The following TNN variants were observed in gnomAD, a reference collection of about 807,000 sequenced individuals.
TNN encodes tenascin-N.
Under a neutral mutation model 134.4 loss-of-function variants are expected in TNN, and 122 were observed. That is an observed-to-expected ratio of 0.91 (90% confidence interval 0.78 to 1.06). The LOEUF is 1.06. Ranked by LOEUF, TNN falls within the 50% of genes least tolerant of loss-of-function variation. The pLI is 0.00. For synonymous variants in TNN, 710 were observed against 670.3 expected, an observed-to-expected ratio of 1.06 and a Z score of -0.91; for missense variants, 1,739 against 1,699.4, an observed-to-expected ratio of 1.02 and a Z score of -0.41.
intron 7 of TNN, among the ~76,000 whole-genome samples, chr1:175,096,991 C>T (rs1674586338): frequency 6.6e-6 from 1 of 152,176 alleles, no homozygotes; most frequent in Non-Finnish European, 1.5e-5. Context: ...GAACTGATGG[C>T]TACTACTTCT....
intron 12 of TNN, among the ~76,000 whole-genome samples, chr1:175,125,615 C>G (rs1675488475): frequency 1.4e-5 from 2 of 147,886 alleles, no homozygotes; most frequent in African/African-American, 5.0e-5. Flanking sequence ...TTCTTTCTCT[C>G]TCTCTCTCCC....
chr1:175,107,530 C>T (rs1478205910), intron 9 of TNN, among the ~76,000 whole-genome samples: 1 of 146,994 alleles, frequency 6.8e-6, no homozygotes, highest in Non-Finnish European at 1.5e-5. Context: ...TGCAGATCTT[C>T]GCGGTGAGTG....
In TNN at chr1:175,147,065, G is replaced by C. The variant is rs148925675; in HGVS notation, c.3894G>C (p.Thr1298=). Reference sequence around the variant, plus strand: ...GGACGCTGAGAGGAAGGCTGCGAACGTTCTGATGGCCCGTGTGAGCAGTCC... The same window carrying C: ...GGACGCTGAGAGGAAGGCTGCGAACCTTCTGATGGCCCGTGTGAGCAGTCC... ...KKRTLRGRLR[T]F Residue 1298 remains threonine, a synonymous_variant, in exon 19 of 19, where the codon ACG becomes ACC. Coordinates refer to ENST00000239462, the MANE Select transcript of TNN (RefSeq NM_022093.2). The C allele has an allele frequency of 6.3e-7, 1 of 1,577,878 alleles. No individual in the cohort carries two copies. The highest frequency in any genetic ancestry group is 8.6e-7 in the Non-Finnish European group (1 of 1,161,522).
rs1163147664 is a variant in TNN, at chr1:175,118,703, G to A, written c.2529G>A (p.Val843=). The A allele has an allele frequency of 6.2e-7, 1 of 1,614,254 alleles. No homozygotes were observed. Among genetic ancestry groups the A allele is most frequent in the South Asian group, 1.1e-5 (1 of 91,088 alleles). Residue 843 remains valine, a synonymous_variant, in exon 11 of 19, where the codon GTG becomes GTA. Coordinates refer to ENST00000239462, the MANE Select transcript of TNN (RefSeq NM_022093.2). ...ACGGAGAGACCAGGGAGGTTCCAGT[G>A]GGGAAGGAGCAGAGCAGCACTGTCC... ...SANGETREVP[V]GKEQSSTVLT... is the part of the protein sequence containing the mutation.
intron 9 of TNN, among the ~76,000 whole-genome samples, chr1:175,109,357 G>A (rs965570947): frequency 4.6e-5 from 7 of 151,276 alleles, no homozygotes; most frequent in African/African-American, 1.7e-4. Flanking sequence ...CAAAGTGCTG[G>A]GATTACAGGC....
intron 9 of TNN, among the ~76,000 whole-genome samples, chr1:175,101,973 T>C (rs935910402): frequency 3.2e-5 from 4 of 125,004 alleles, no homozygotes; most frequent in Non-Finnish European, 5.1e-5. Flanking sequence ...CACGTCCTCA[T>C]CAGAGCAGCT....
At chr1:175,144,621 A>G in intron 18 of TNN, 71 bp downstream of exon 18, 2 of 1,500,216 alleles carry the variant, frequency 1.3e-6, no homozygotes, top group Middle Eastern at 1.9e-4. Flanking sequence ...GACACCCTCC[A>G]GGCCAGTCTG....
intron 1 of TNN, among the ~76,000 whole-genome samples, chr1:175,071,431 T>C (rs1673911587): frequency 6.6e-6 from 1 of 152,132 alleles, no homozygotes; most frequent in African/African-American, 2.4e-5. Flanking sequence ...TCTGTGCACT[T>C]TGGTGTTTCC....
intron 1 of TNN, among the ~76,000 whole-genome samples, chr1:175,074,200 C>T (rs997989987): frequency 6.6e-6 from 1 of 152,028 alleles, no homozygotes; most frequent in Non-Finnish European, 1.5e-5. Flanking sequence ...TGTGTGGGCA[C>T]GGCCAGGTGT....
intron 6 of TNN, among the ~76,000 whole-genome samples, chr1:175,090,152 G>A (rs1020896872): frequency 1.3e-5 from 2 of 152,140 alleles, no homozygotes; most frequent in African/African-American, 4.8e-5. Flanking sequence ...GAACACTGAG[G>A]CCTACAAAGT....
intron 4 of TNN, among the ~76,000 whole-genome samples, 197 bp from the exon 5 acceptor site, chr1:175,083,553 A>G (rs1170494782): frequency 6.6e-6 from 1 of 152,194 alleles, no homozygotes; most frequent in Non-Finnish European, 1.5e-5. Context: ...CAGTCTGCCC[A>G]TGGAATATGT....
At chr1:175,108,776 C>T (rs998720913) in intron 9 of TNN, among the ~76,000 whole-genome samples, 1 of 150,454 alleles carries the variant, frequency 6.6e-6, no homozygotes, top group African/African-American at 2.5e-5. Context: ...AAGCCCATGC[C>T]CACCTAGAAC....
chr1:175,141,141 G>A (rs1046578643), intron 17 of TNN, among the ~76,000 whole-genome samples: 2 of 152,208 alleles, frequency 1.3e-5, no homozygotes, highest in East Asian at 3.8e-4. Flanking sequence ...TTCCCTTCAT[G>A]AAGCAAATTC....
chr1:175,119,254 A>G (rs1458705329), intron 11 of TNN, among the ~76,000 whole-genome samples: 2 of 152,226 alleles, frequency 1.3e-5, no homozygotes, highest in Non-Finnish European at 2.9e-5. Context: ...GAGGTGGATT[A>G]TTCATACCTC....
At chr1:175,074,992 G>A (rs1475250933) in intron 1 of TNN, among the ~76,000 whole-genome samples, 1 of 152,202 alleles carries the variant, frequency 6.6e-6, no homozygotes, top group Non-Finnish European at 1.5e-5. Flanking sequence ...CCTTTTGAGT[G>A]AGGAGAGGAA....
chr1:175,144,795 G>T, intron 18 of TNN, among the ~76,000 whole-genome samples: 1 of 152,240 alleles, frequency 6.6e-6, no homozygotes, highest in East Asian at 1.9e-4. Context: ...AAAAGCTTGG[G>T]CTGCCCACTG....
chr1:175,102,583 C>T (rs528988759), intron 9 of TNN, among the ~76,000 whole-genome samples: 3 of 146,088 alleles, frequency 2.1e-5, no homozygotes, highest in Middle Eastern at 3.5e-3. Context: ...CAGGGCTGGC[C>T]GGCTGCTCTG....
At chr1:175,097,292 C>G in intron 7 of TNN, 125 bp from the exon 8 acceptor site, 1 of 1,248,782 alleles carries the variant, frequency 8.0e-7, no homozygotes, top group Non-Finnish European at 1.1e-6. Context: ...TTTACATTAA[C>G]TCAATCATTG....
chr1:175,072,804 C>G (rs1673945239), intron 1 of TNN, among the ~76,000 whole-genome samples: 1 of 151,988 alleles, frequency 6.6e-6, no homozygotes, highest in Non-Finnish European at 1.5e-5. Flanking sequence ...ATCAGAAGGA[C>G]AGGCAACACC....
Sources: allele counts gnomAD v4.1 joint callset (sites outside exome capture counted in the v4.1 genomes callset), GRCh38; gene constraint gnomAD v4.1.1; transcripts MANE v1.5; gene names NCBI Gene and HGNC (gene_info 2026-07-23, HGNC 2026-07-21).